Variants in FAM228B observed in about 807,000 individuals in gnomAD.
FAM228B encodes the protein family with sequence similarity 228 member B, also known as protein FAM228B.
Under a neutral mutation model 42.6 loss-of-function variants are expected in FAM228B, and 38 were observed. The ratio of observed to expected loss-of-function variants is 0.89; its 90% CI spans 0.69 to 1.17. The LOEUF (loss-of-function observed/expected upper bound fraction) is 1.17, where lower values mean the gene tolerates loss of function less well. FAM228B is among the 50% of genes most tolerant of loss of function. FAM228B has a pLI of 0.00. For synonymous variants in FAM228B, 109 were observed against 122.3 expected, an observed-to-expected ratio of 0.89 and a Z score of 0.72; for missense variants, 344 against 367.3, an observed-to-expected ratio of 0.94 and a Z score of 0.52.
At chr2:24,086,960 G>T (rs545508033) in intron 2 of FAM228B, among the ~76,000 whole-genome samples, 1 of 152,182 alleles carries the variant, frequency 6.6e-6, no homozygotes, top group African/African-American at 2.4e-5. Flanking sequence ...TTAAGAAAAT[G>T]GAATGGATTA....
At chr2:24,140,176 T>G (rs1666710107) in intron 5 of FAM228B, among the ~76,000 whole-genome samples, 1 of 152,098 alleles carries the variant, frequency 6.6e-6, no homozygotes, top group Non-Finnish European at 1.5e-5. Context: ...ATGTGGTGTT[T>G]TGTTTTGTTT....
In FAM228B at chr2:24,080,610, G is replaced by A; in HGVS notation, c.-289-266G>A. On this transcript the variant is annotated intron_variant, in intron 1 of 10. Coordinates refer to the FAM228B transcript ENST00000613899. The surrounding 1 kb of genome is among the most constrained non-coding windows in gnomAD (Gnocchi z 4.7). ...AAAGTGTGGATGAATCTTATCTCTT[G>A]CAAGAATGCACATGGAAACCATCTT... 3 of 622,224 alleles carry A rather than the reference G, an allele frequency of 4.8e-6. No homozygotes were observed. The allele number at this position is 622,224 out of a possible 1,614,324, so 38.5% of individuals were successfully genotyped here. A position where few individuals can be genotyped will look rare whatever the true frequency, so the allele number is the denominator to read the frequency against.
intron 9 of FAM228B, chr2:24,165,616 G>A (rs781516390): frequency 2.8e-6 from 1 of 351,600 alleles, no homozygotes; most frequent in Non-Finnish European, 5.7e-6. Context: ...TTAGAACCTG[G>A]ATTCTTGATT....
At chr2:24,090,887 A>G (rs1558367046) in intron 2 of FAM228B, among the ~76,000 whole-genome samples, 1 of 152,132 alleles carries the variant, frequency 6.6e-6, no homozygotes, top group Non-Finnish European at 1.5e-5. Flanking sequence ...ATATGGCTCA[A>G]TTGAACCTCC....
Position 24,169,234 on chromosome 2 carries a change from T to G in FAM228B, c.*15-122T>G, listed in dbSNP as rs1667510477. On this transcript the variant is annotated intron_variant, in intron 10 of 10. Transcript: ENST00000615575. The surrounding 1 kb of genome is among the most constrained non-coding windows in gnomAD (Gnocchi z 4.2). Reference sequence around the variant, plus strand: ...AGACCCTGCCTGAGAGATGAGTCACTCGGCTCTGGCAGGACAGGCTTCAGG... The same window carrying G: ...AGACCCTGCCTGAGAGATGAGTCACGCGGCTCTGGCAGGACAGGCTTCAGG... 2.9e-6 allele frequency: 1 copy of G among 339,354 alleles called. No individual in the cohort carries two copies. Among genetic ancestry groups the G allele is most frequent in the African/African-American group, 2.1e-5 (1 of 48,194 alleles). 21.0% of individuals were successfully genotyped at this position (339,354 alleles called of 1,614,324 possible).
chr2:24,115,690 T>A, intron 3 of FAM228B: 1 of 1,489,148 alleles, frequency 6.7e-7, no homozygotes, highest in Non-Finnish European at 9.3e-7. Flanking sequence ...CATTTATTAT[T>A]CCACAAACAT....
At chr2:24,140,917 G>A (rs1235881571) in intron 5 of FAM228B, among the ~76,000 whole-genome samples, 3 of 151,028 alleles carry the variant, frequency 2.0e-5, no homozygotes, top group Non-Finnish European at 4.4e-5. Flanking sequence ...AGCCAAGATT[G>A]AGTGTCACTG....
At chr2:24,145,543 T>C (rs1191785710) in intron 5 of FAM228B, among the ~76,000 whole-genome samples, 2 of 152,114 alleles carry the variant, frequency 1.3e-5, no homozygotes, top group African/African-American at 2.4e-5. Context: ...CAGATGTCAA[T>C]GTAAGGACAC....
intron 7 of FAM228B, among the ~76,000 whole-genome samples, chr2:24,148,489 T>C (rs1180099270): frequency 6.6e-6 from 1 of 152,214 alleles, no homozygotes; most frequent in African/African-American, 2.4e-5. Flanking sequence ...TGGTTGTTCT[T>C]GGATGGCAGT....
At position 24,123,544 on chromosome 2, in the gene FAM228B, A is replaced by C. The variant is rs1354863327; in HGVS notation, c.-33+11A>C. 2 of 152,074 alleles carry C rather than the reference A, an allele frequency of 1.3e-5. No homozygotes were observed. The highest frequency in any genetic ancestry group is 4.8e-5 in the African/African-American group (2 of 41,426). 9.4% of individuals were successfully genotyped at this position (152,074 alleles called of 1,614,324 possible). A position where few individuals can be genotyped will look rare whatever the true frequency, so the allele number is the denominator to read the frequency against. On this transcript the variant is annotated intron_variant, in intron 1 of 10. Coordinates refer to ENST00000615575, the MANE Select transcript of FAM228B (RefSeq NM_001145710.2). Reference sequence around the variant, plus strand: ...TGCGTCCGGGAGACGGTGGGCGCCAACATTCGCGCGTTCCGCAGACGCGGG... The same window carrying C: ...TGCGTCCGGGAGACGGTGGGCGCCACCATTCGCGCGTTCCGCAGACGCGGG...
At chr2:24,099,287 G>T (rs1220988639) in intron 3 of FAM228B, among the ~76,000 whole-genome samples, 1 of 152,226 alleles carries the variant, frequency 6.6e-6, no homozygotes. Flanking sequence ...TCAGGCAAGA[G>T]AAGGAAATAA....
chr2:24,137,424 A>G (rs1165175963), intron 3 of FAM228B, among the ~76,000 whole-genome samples: 1 of 152,190 alleles, frequency 6.6e-6, no homozygotes, highest in Non-Finnish European at 1.5e-5. Context: ...TATTTATAGT[A>G]TGCCATACAT....
chr2:24,117,246 C>T (rs1311211549), intron 3 of FAM228B, among the ~76,000 whole-genome samples: 1 of 151,998 alleles, frequency 6.6e-6, no homozygotes, highest in African/African-American at 2.4e-5. Context: ...AAACTCCTGT[C>T]GTCAAATGAT....
Position 24,124,422 on chromosome 2 carries a change from A to G in FAM228B, c.61A>G (p.Lys21Glu), listed in dbSNP as rs1443272582. 6 of 1,551,842 alleles carry G rather than the reference A, an allele frequency of 3.9e-6. No individual in the cohort carries two copies. Among genetic ancestry groups the G allele is most frequent in the African/African-American group, 2.7e-5 (2 of 73,022 alleles). ...TGTLPKLKSSKEWLEPKPLCF... is the reference protein window; with the variant it reads ...TGTLPKLKSSEEWLEPKPLCF... ...CACACTTCCCAAGCTCAAGAGCTCAAAAGAATGGTTGGAGCCCAAGCCCCT... is the reference window on the plus strand; with the variant it reads ...CACACTTCCCAAGCTCAAGAGCTCAGAAGAATGGTTGGAGCCCAAGCCCCT... Residue 21 changes from lysine (K) to glutamate (E), a missense_variant, in exon 2 of 11, where the codon AAA becomes GAA. Lys to Glu is a moderately conservative substitution (Grantham distance 56). Coordinates refer to ENST00000615575, the MANE Select transcript of FAM228B (RefSeq NM_001145710.2).
chr2:24,136,766 A>G (rs960891544), intron 3 of FAM228B, among the ~76,000 whole-genome samples: 6 of 152,262 alleles, frequency 3.9e-5, no homozygotes, highest in African/African-American at 1.4e-4. Context: ...ATATAAAAGT[A>G]AATATACACA....
chr2:24,107,729 A>G, intron 3 of FAM228B, among the ~76,000 whole-genome samples: 1 of 152,226 alleles, frequency 6.6e-6, no homozygotes, highest in Non-Finnish European at 1.5e-5. Flanking sequence ...TTCCAAACTA[A>G]TGAGAACAAA....
intron 1 of FAM228B, 48 bp from the exon 2 acceptor site, chr2:24,124,282 A>G (rs1481231961): frequency 1.0e-6 from 1 of 963,748 alleles, no homozygotes; most frequent in African/African-American, 1.7e-5. Context: ...ACAGAAGAGA[A>G]AATCAGATGA....
chr2:24,094,298 C>T (rs1665452671), intron 2 of FAM228B, among the ~76,000 whole-genome samples: 1 of 151,962 alleles, frequency 6.6e-6, no homozygotes, highest in Non-Finnish European at 1.5e-5. Context: ...TCTTCAACTC[C>T]TGGGCTTAAG....
chr2:24,127,906 G>A (rs754093170), intron 2 of FAM228B, among the ~76,000 whole-genome samples: 6 of 150,636 alleles, frequency 4.0e-5, no homozygotes, highest in East Asian at 2.0e-4. Context: ...CAAGTGATCC[G>A]CCTGCCTTGG....
Sources: gnomAD v4.1 joint callset for allele counts (sites outside exome capture counted in the v4.1 genomes callset) on GRCh38, gnomAD v4.1.1 for gene constraint, Gnocchi (gnomAD v3.1) non-coding constraint, MANE v1.5 for transcripts, NCBI Gene and HGNC (gene_info 2026-07-23, HGNC 2026-07-21) for gene names.